Variants in SDK1 observed in about 807,000 individuals in gnomAD.
The protein encoded by SDK1 is sidekick cell adhesion molecule 1.
Under a neutral mutation model 245.5 loss-of-function variants are expected in SDK1, and 157 were observed. That is an observed-to-expected ratio of 0.64 (90% CI 0.56 to 0.73). SDK1 has a LOEUF of 0.73. Among genes scored for constraint, SDK1 ranks in the 30% least tolerant of loss-of-function variants. The pLI is 0.00. For synonymous variants in SDK1, 1,647 were observed against 1,278.5 expected, an observed-to-expected ratio of 1.29 and a Z score of -6.15; for missense variants, 3,583 against 3,002.3, an observed-to-expected ratio of 1.19 and a Z score of -4.52.
At chr7:4,097,473 G>C (rs1435219483) in intron 22 of SDK1, among the ~76,000 whole-genome samples, 1 of 152,232 alleles carries the variant, frequency 6.6e-6, no homozygotes, top group Non-Finnish European at 1.5e-5. Flanking sequence ...CTGTGAGCAG[G>C]TGGACAGGGC....
intron 5 of SDK1, among the ~76,000 whole-genome samples, chr7:3,883,503 G>A (rs760196154): frequency 6.6e-6 from 1 of 152,128 alleles, no homozygotes; most frequent in Admixed American, 6.6e-5. Context: ...AAAAAATCAC[G>A]TCGTTGCCAA....
At position 3,531,040 on chromosome 7, in the gene SDK1, A is replaced by G. The variant is rs1056162298; in HGVS notation, c.299-88040A>G. Among the ~76,000 whole-genome samples the G allele has an allele frequency of 3.3e-5, 5 of 152,268 alleles. No individual in the cohort carries two copies. In the East Asian group the frequency reaches 9.7e-4, roughly 29 times the overall value. On this transcript the variant is annotated intron_variant, in intron 1 of 44. Transcript: ENST00000404826. ...GCTATTAGAATATTCTGTCACTATA[A>G]CTCTGCTTCATATACCAGTGAAGAA...
chr7:4,173,449 TAA>T (rs1179224484), intron 32 of SDK1, among the ~76,000 whole-genome samples: 1 of 152,206 alleles, frequency 6.6e-6, no homozygotes, highest in Non-Finnish European at 1.5e-5. Context: ...AGCCACATCC[TAA>T]AGTGGACAGG....
intron 44 of SDK1, 23 bp from the exon 45 acceptor site, chr7:4,265,101 A>G (rs149480829): frequency 1.2e-6 from 2 of 1,604,882 alleles, no homozygotes; most frequent in Non-Finnish European, 8.5e-7. Context: ...CTGCACTCAC[A>G]CCTTCTCTCC....
intron 15 of SDK1, 37 bp from the exon 16 acceptor site, chr7:4,012,058 C>G: frequency 1.4e-6 from 2 of 1,398,974 alleles, no homozygotes; most frequent in Non-Finnish European, 1.9e-6. Flanking sequence ...GTTTCTGGTA[C>G]TCATCTCTCT....
chr7:4,231,380 A>T (rs1785751964), intron 40 of SDK1, among the ~76,000 whole-genome samples: 1 of 151,666 alleles, frequency 6.6e-6, no homozygotes, highest in African/African-American at 2.4e-5. Context: ...CCTGGGCAAC[A>T]CAGGGAGACC....
At chr7:3,414,236 CGGA>C (rs899180374) in intron 1 of SDK1, among the ~76,000 whole-genome samples, 1 of 151,778 alleles carries the variant, frequency 6.6e-6, no homozygotes, top group Non-Finnish European at 1.5e-5. Context: ...GGTTGGGGTG[CGGA>C]GGAGGAGGAG....
chr7:3,519,799 G>T (rs574859477), intron 1 of SDK1, among the ~76,000 whole-genome samples: 1 of 151,982 alleles, frequency 6.6e-6, no homozygotes, highest in African/African-American at 2.4e-5. Context: ...AGATAAAAAC[G>T]GCAAGTCTAG....
intron 1 of SDK1, among the ~76,000 whole-genome samples, chr7:3,427,196 A>C (rs768464660): frequency 6.6e-6 from 1 of 152,192 alleles, no homozygotes; most frequent in Non-Finnish European, 1.5e-5. Context: ...TATGGAAATG[A>C]AAAAGTAAAA....
intron 1 of SDK1, among the ~76,000 whole-genome samples, chr7:3,482,097 C>G (rs1309603129): frequency 6.6e-6 from 1 of 152,068 alleles, no homozygotes; most frequent in East Asian, 1.9e-4. Context: ...CATATCCTAC[C>G]AGACATTGTA....
intron 5 of SDK1, among the ~76,000 whole-genome samples, chr7:3,905,269 C>G (rs6956020): frequency 1.3e-5 from 2 of 151,866 alleles, no homozygotes; most frequent in African/African-American, 2.4e-5. Context: ...ACGACTTTCA[C>G]TATTTTTCTA....
intron 5 of SDK1, among the ~76,000 whole-genome samples, chr7:3,928,357 C>G (rs1030988734): frequency 1.3e-5 from 2 of 152,060 alleles, no homozygotes; most frequent in Admixed American, 6.6e-5. Flanking sequence ...TTTAAAATCC[C>G]TCAATTCTAC....
At chr7:4,062,008 G>A (rs1324457511) in intron 19 of SDK1, among the ~76,000 whole-genome samples, 2 of 148,082 alleles carry the variant, frequency 1.4e-5, no homozygotes, top group Non-Finnish European at 3.0e-5. Context: ...GGGAGGGATA[G>A]CACTAGGAGA....
intron 4 of SDK1, among the ~76,000 whole-genome samples, chr7:3,671,357 A>G (rs548098947): frequency 1.3e-5 from 2 of 152,198 alleles, no homozygotes; most frequent in East Asian, 1.9e-4. Flanking sequence ...TTTTAAACCA[A>G]TTTTTAAATA....
intron 1 of SDK1, among the ~76,000 whole-genome samples, chr7:3,575,974 A>G (rs1302166832): frequency 6.6e-6 from 1 of 152,024 alleles, no homozygotes; most frequent in African/African-American, 2.4e-5. Context: ...CAGTGATTGA[A>G]TGGGCTTTCT....
chr7:3,541,217 T>A (rs1262455309), intron 1 of SDK1, among the ~76,000 whole-genome samples: 2 of 152,262 alleles, frequency 1.3e-5, no homozygotes, highest in African/African-American at 4.8e-5. Context: ...TTATGTTAAT[T>A]GTCGAGAGTT....
At chr7:3,573,323 A>T (rs1780175891) in intron 1 of SDK1, among the ~76,000 whole-genome samples, 1 of 152,128 alleles carries the variant, frequency 6.6e-6, no homozygotes, top group South Asian at 2.1e-4. Flanking sequence ...ACATGTGATT[A>T]CGCAGAGGCG....
intron 14 of SDK1, among the ~76,000 whole-genome samples, chr7:3,991,450 G>A (rs1488314432): frequency 6.6e-6 from 1 of 152,140 alleles, no homozygotes; most frequent in Non-Finnish European, 1.5e-5. Context: ...GTAACTCCTG[G>A]CTTGTGTCCA....
intron 2 of SDK1, among the ~76,000 whole-genome samples, chr7:3,637,115 TGA>T (rs954092013): frequency 4.6e-5 from 7 of 151,610 alleles, no homozygotes; most frequent in Non-Finnish European, 8.8e-5. Flanking sequence ...GTGTGTGTTT[TGA>T]GAGAGTGTCT....
Sources: allele counts gnomAD v4.1 joint callset (sites outside exome capture counted in the v4.1 genomes callset), GRCh38; gene constraint gnomAD v4.1.1; transcripts MANE v1.5; gene names NCBI Gene and HGNC (gene_info 2026-07-23, HGNC 2026-07-21).